Variants in GLIS3 observed in about 807,000 individuals in gnomAD.
GLIS3 encodes GLIS family zinc finger 3.
Under a neutral mutation model 78.6 loss-of-function variants are expected in GLIS3, and 53 were observed. The ratio of observed to expected loss-of-function variants is 0.67; its 90% CI spans 0.54 to 0.85. GLIS3 has a LOEUF of 0.85. GLIS3 is among the 40% of genes least tolerant of loss of function. The probability of loss-of-function intolerance (pLI) is 0.00; values close to 1 mark genes in which losing one functional copy is unlikely to be tolerated. For missense variants in GLIS3, 1,703 were observed against 1,231.1 expected (o/e 1.38, Z -5.74); for synonymous variants, 684 against 509.9 (o/e 1.34, Z -4.60).
At chr9:4,178,355 C>G (rs1338231497) in intron 2 of GLIS3, among the ~76,000 whole-genome samples, 2 of 152,090 alleles carry the variant, frequency 1.3e-5, no homozygotes, top group Non-Finnish European at 2.9e-5. Flanking sequence ...AGAGGTTGGA[C>G]AGGAGATCAT....
intron 4 of GLIS3, among the ~76,000 whole-genome samples, chr9:3,960,579 T>TA (rs1173286787): frequency 6.6e-6 from 1 of 152,202 alleles, no homozygotes; most frequent in Non-Finnish European, 1.5e-5. Context: ...TCCTGGCACA[T>TA]AGTGGGTCCA....
At position 3,828,283 on chromosome 9, in the gene GLIS3, T is replaced by C; in HGVS notation, c.2782A>G (p.Thr928Ala). 3 of 1,614,096 alleles carry C rather than the reference T, an allele frequency of 1.9e-6. No individual in the cohort carries two copies. Among genetic ancestry groups the C allele is most frequent in the Non-Finnish European group, 2.5e-6 (3 of 1,180,008 alleles). Residue 928 changes from threonine (T) to alanine (A), a missense_variant, in exon 11 of 11, where the codon ACC becomes GCC. Transcript: ENST00000381971. ...GGCCAAGAGAGCTTTTAGCCTTCGG[T>C]GTAGACAGAGGAGAGCTGGCTAGGA... ...RCPSQLSSVY[T>A]EG
At chr9:4,352,948 G>A (rs1279669716), upstream of GLIS3, among the ~76,000 whole-genome samples, 3 of 152,182 alleles carry the variant, frequency 2.0e-5, no homozygotes, top group Non-Finnish European at 1.5e-5. Context: ...CACTTGTCAG[G>A]CTAAGATATA....
At position 3,989,761 on chromosome 9, in the gene GLIS3, A is replaced by G. The variant is rs1047995474; in HGVS notation, c.1711-52572T>C. ...AGGAAGTAGGTGGATGTATTTATTAAAGGGAAATAGGATAGATATTAGTGG... is the reference window on the plus strand; with the variant it reads ...AGGAAGTAGGTGGATGTATTTATTAGAGGGAAATAGGATAGATATTAGTGG... On this transcript the variant is annotated intron_variant, in intron 4 of 10. Coordinates refer to ENST00000381971, the MANE Select transcript of GLIS3 (RefSeq NM_001042413.2). Among the ~76,000 whole-genome samples the G allele has an allele frequency of 2.6e-5, 4 of 152,354 alleles. No individual in the cohort carries two copies. The South Asian group carries it at 8.3e-4, about 32-fold the overall frequency.
At chr9:4,201,395 C>T (rs1370941593) in intron 2 of GLIS3, among the ~76,000 whole-genome samples, 1 of 152,160 alleles carries the variant, frequency 6.6e-6, no homozygotes, top group South Asian at 2.1e-4. Flanking sequence ...GTCAAACTGT[C>T]CCGTCTTTGT....
chr9:4,340,677 C>A (rs967275944), intron 2 of GLIS3, among the ~76,000 whole-genome samples: 2 of 152,122 alleles, frequency 1.3e-5, no homozygotes, highest in African/African-American at 4.8e-5. Context: ...CCAGATCCCA[C>A]CTGATTCTTG....
chr9:3,913,158 G>C (rs1478531186), intron 6 of GLIS3, among the ~76,000 whole-genome samples: 1 of 152,200 alleles, frequency 6.6e-6, no homozygotes, highest in Non-Finnish European at 1.5e-5. Flanking sequence ...CACTGTAAAA[G>C]TCAGTGGATC....
At chr9:3,834,507 C>T (rs1818232643) in intron 9 of GLIS3, among the ~76,000 whole-genome samples, 1 of 152,026 alleles carries the variant, frequency 6.6e-6, no homozygotes, top group African/African-American at 2.4e-5. Flanking sequence ...TTTAAATAGC[C>T]ACTCATGGCT....
At chr9:4,426,283 T>C in the GLIS3 span, among the ~76,000 whole-genome samples, 33 of 152,244 alleles carry the variant, frequency 2.2e-4, no homozygotes, top group Admixed American at 3.9e-4. Context: ...ACTGTTTTTA[T>C]GACCAACAGT....
the GLIS3 span, among the ~76,000 whole-genome samples, chr9:4,401,784 C>G: frequency 2.0e-5 from 3 of 151,316 alleles, no homozygotes; most frequent in Admixed American, 2.0e-4. Context: ...TTTTAACAGA[C>G]AGTATTTCAC....
At chr9:3,973,085 T>C (rs550816587) in intron 4 of GLIS3, among the ~76,000 whole-genome samples, 1 of 152,258 alleles carries the variant, frequency 6.6e-6, no homozygotes, top group Admixed American at 6.5e-5. Context: ...TTCATAGTTA[T>C]GGTTTATTAC....
intron 2 of GLIS3, among the ~76,000 whole-genome samples, chr9:4,184,872 T>C (rs894220556): frequency 2.3e-5 from 3 of 129,200 alleles, no homozygotes; most frequent in Non-Finnish European, 5.0e-5. Context: ...CAATGAATTA[T>C]ACACAAAAGT....
At chr9:3,966,009 T>C (rs1212607422) in intron 4 of GLIS3, among the ~76,000 whole-genome samples, 1 of 152,252 alleles carries the variant, frequency 6.6e-6, no homozygotes, top group Non-Finnish European at 1.5e-5. Context: ...GAATTCCAGA[T>C]GCAATTCCTA....
At chr9:4,326,060 G>T (rs1048356205) in intron 2 of GLIS3, among the ~76,000 whole-genome samples, 1 of 152,154 alleles carries the variant, frequency 6.6e-6, no homozygotes. Flanking sequence ...GTCGGGGGTG[G>T]CAGGGAGGTA....
At chr9:3,969,983 T>G (rs1436460586) in intron 4 of GLIS3, among the ~76,000 whole-genome samples, 1 of 152,196 alleles carries the variant, frequency 6.6e-6, no homozygotes, top group Non-Finnish European at 1.5e-5. Context: ...ATAAAATATT[T>G]TATTTAGAAT....
At chr9:4,395,757 ATTTTCTTTTTTCTTT>A in the GLIS3 span, among the ~76,000 whole-genome samples, 6 of 145,578 alleles carry the variant, frequency 4.1e-5, no homozygotes, top group Non-Finnish European at 6.0e-5. Flanking sequence ...ATTGGTCACC[ATTTTCTTTTTTCTTT>A]TTTTCTTTTT....
intron 2 of GLIS3, among the ~76,000 whole-genome samples, chr9:4,343,606 A>T (rs1033831425): frequency 4.6e-5 from 7 of 152,242 alleles, no homozygotes; most frequent in Admixed American, 1.3e-4. Context: ...ATAAAGACAC[A>T]TGCACATGTA....
At chr9:4,421,467 C>T in the GLIS3 span, among the ~76,000 whole-genome samples, 1 of 152,224 alleles carries the variant, frequency 6.6e-6, no homozygotes, top group African/African-American at 2.4e-5. Flanking sequence ...ATCCATCATA[C>T]CTGATCAATT....
At chr9:4,015,643 T>C (rs1822369905) in intron 4 of GLIS3, among the ~76,000 whole-genome samples, 2 of 152,064 alleles carry the variant, frequency 1.3e-5, no homozygotes, top group Admixed American at 1.3e-4. Context: ...ATCCCAGCAC[T>C]TTGGGAGGCT....
Sources: gnomAD v4.1 joint callset for allele counts (sites outside exome capture counted in the v4.1 genomes callset) on GRCh38, gnomAD v4.1.1 for gene constraint, MANE v1.5 for transcripts, NCBI Gene and HGNC (gene_info 2026-07-23, HGNC 2026-07-21) for gene names.